The following CILK1 variants were observed in gnomAD, a reference collection of about 807,000 sequenced individuals.
CILK1 encodes ciliogenesis associated kinase 1.
A neutral mutation model predicts 79.2 loss-of-function variants in CILK1; 47 were observed. The observed-to-expected ratio is 0.59, with a 90% confidence interval of 0.47 to 0.76. The LOEUF is 0.76. Ranked by LOEUF, CILK1 falls within the 30% of genes least tolerant of loss-of-function variation. The pLI is 0.00. For synonymous variants in CILK1, 266 were observed against 275.9 expected, an observed-to-expected ratio of 0.96 and a Z score of 0.36; for missense variants, 660 against 769.5, an observed-to-expected ratio of 0.86 and a Z score of 1.68.
At chr6:53,040,273 G>T (rs1370027283) in intron 2 of CILK1, among the ~76,000 whole-genome samples, 1 of 152,182 alleles carries the variant, frequency 6.6e-6, no homozygotes, top group Non-Finnish European at 1.5e-5. Context: ...ATTTGACAAG[G>T]ATGTCACTTC....
intron 2 of CILK1, 128 bp from the exon 3 acceptor site, chr6:53,038,121 T>C: frequency 1.4e-6 from 1 of 690,812 alleles, no homozygotes. Context: ...TTCTACCCAG[T>C]ATTATACTAT....
At position 53,002,088 on chromosome 6, in the gene CILK1, TA is replaced by T. The variant is rs970430730; in HGVS notation, c.*3060del. ...TAGTCCTTTAGGCAAGAGATACATT[TA>T]AAAAATTATTTGAAAATCAAGTTTC... On this transcript the variant is annotated 3_prime_UTR_variant, in exon 14 of 14. Transcript: ENST00000676107. 4.6e-5 allele frequency: 7 copies of T among 152,428 alleles called. No homozygotes were observed. The highest frequency in any genetic ancestry group is 1.7e-4 in the African/African-American group (7 of 41,474). The allele number at this position is 152,428 out of a possible 1,614,324, so 9.4% of individuals were successfully genotyped here.
chr6:53,031,283 G>C (rs2127438112), intron 4 of CILK1, 139 bp from the exon 5 acceptor site: 2 of 632,060 alleles, frequency 3.2e-6, no homozygotes, highest in East Asian at 2.8e-5. Flanking sequence ...AAAACAAAAA[G>C]ATTAAACATT....
chr6:53,048,666 A>G (rs979024908), intron 1 of CILK1, among the ~76,000 whole-genome samples: 2 of 18,248 alleles, frequency 1.1e-4, no homozygotes, highest in Non-Finnish European at 1.7e-4. Context: ...GCACTAGAAA[A>G]AAGAAGGGAC....
At chr6:53,030,961 C>A in intron 5 of CILK1, 104 bp downstream of exon 5, 2 of 798,212 alleles carry the variant, frequency 2.5e-6, no homozygotes, top group East Asian at 2.6e-5. Context: ...ACTCTTCAAC[C>A]TTTTCTGGGA....
At chr6:53,046,725 T>C (rs933667321) in intron 1 of CILK1, among the ~76,000 whole-genome samples, 4 of 152,204 alleles carry the variant, frequency 2.6e-5, no homozygotes, top group Admixed American at 1.3e-4. Context: ...ATGCTAAGCA[T>C]TATGCAAGGC....
chr6:53,048,905 G>A (rs1418406906), intron 1 of CILK1, among the ~76,000 whole-genome samples: 1 of 152,228 alleles, frequency 6.6e-6, no homozygotes, highest in Non-Finnish European at 1.5e-5. Context: ...GTGAGCTGGT[G>A]AGGAAGAAGA....
At chr6:53,042,436 G>C (rs1766781545) in intron 1 of CILK1, among the ~76,000 whole-genome samples, 1 of 152,182 alleles carries the variant, frequency 6.6e-6, no homozygotes, top group Non-Finnish European at 1.5e-5. Flanking sequence ...CAAAAGCTAA[G>C]AAATGCTAAA....
chr6:53,044,871 C>T (rs1212514278), intron 1 of CILK1, among the ~76,000 whole-genome samples: 2 of 152,082 alleles, frequency 1.3e-5, no homozygotes, highest in African/African-American at 4.8e-5. Flanking sequence ...AGAAACCAAA[C>T]CATTTGATCT....
intron 1 of CILK1, among the ~76,000 whole-genome samples, chr6:53,048,044 C>T (rs1198646721): frequency 6.6e-6 from 1 of 152,080 alleles, no homozygotes; most frequent in Non-Finnish European, 1.5e-5. Context: ...AAGGCTGATA[C>T]ACTGTGTAAC....
At chr6:53,056,949 G>GA (rs1348784374) in intron 1 of CILK1, among the ~76,000 whole-genome samples, 1 of 152,100 alleles carries the variant, frequency 6.6e-6, no homozygotes, top group Non-Finnish European at 1.5e-5. Flanking sequence ...ACTAATTTAG[G>GA]AAAAAACTTG....
chr6:53,026,308 C>A (rs1317385597), intron 5 of CILK1, among the ~76,000 whole-genome samples: 6 of 151,988 alleles, frequency 3.9e-5, no homozygotes, highest in Non-Finnish European at 1.5e-5. Context: ...GGGATTATGA[C>A]CAGCTAATTT....
intron 3 of CILK1, among the ~76,000 whole-genome samples, chr6:53,035,577 G>A (rs1262462955): frequency 6.6e-6 from 1 of 152,086 alleles, no homozygotes; most frequent in Non-Finnish European, 1.5e-5. Flanking sequence ...TGCCATGGCC[G>A]TGAGGTGCAG....
intron 5 of CILK1, among the ~76,000 whole-genome samples, chr6:53,021,297 C>G (rs919427525): frequency 6.6e-6 from 1 of 151,468 alleles, no homozygotes. Context: ...TGCACTCCAG[C>G]CCAGGCAACA....
intron 12 of CILK1, among the ~76,000 whole-genome samples, chr6:53,008,644 T>C (rs1764382620): frequency 6.6e-6 from 1 of 152,120 alleles, no homozygotes; most frequent in South Asian, 2.1e-4. Flanking sequence ...CAGGCTGGTC[T>C]CAAACTCCTG....
chr6:53,035,876 T>C (rs984793345), intron 3 of CILK1, among the ~76,000 whole-genome samples: 5 of 152,092 alleles, frequency 3.3e-5, no homozygotes, highest in African/African-American at 1.2e-4. Flanking sequence ...CCTTTCTACC[T>C]GCTTCTGCCT....
Position 53,032,765 on chromosome 6 carries a change from C to T in CILK1, c.157-111G>A. On this transcript the variant is annotated intron_variant, in intron 3 of 13. Coordinates refer to ENST00000676107, the MANE Select transcript of CILK1 (RefSeq NM_014920.5). The stretch of plus-strand genomic sequence containing the variant: ...GGAAAGAAACAACTAATTTTAGAAC[C>T]TCAGAAATGTGCTAAATTATATTTT... 3 of 790,010 alleles carry T rather than the reference C, an allele frequency of 3.8e-6. No individual in the cohort carries two copies. In the South Asian group the frequency reaches 5.1e-5, roughly 13 times the overall value. 48.9% of individuals were successfully genotyped at this position (790,010 alleles called of 1,614,324 possible).
chr6:53,061,801 C>G lies in CILK1; in HGVS notation c.-378G>C, dbSNP rs1368829676. The G allele has an allele frequency of 6.6e-6, 1 of 151,250 alleles. No individual in the cohort carries two copies. Among genetic ancestry groups the G allele is most frequent in the African/African-American group, 2.4e-5 (1 of 41,246 alleles). The allele number at this position is 151,250 out of a possible 1,614,324, so 9.4% of individuals were successfully genotyped here. ...AGTGCAGCAGGAACCCGGCCGTTTT[C>G]CAGCCTCCGGCAGGAAAACAAACAA... On this transcript the variant is annotated 5_prime_UTR_variant, in exon 1 of 14. Coordinates refer to ENST00000676107, the MANE Select transcript of CILK1 (RefSeq NM_014920.5).
At chr6:53,013,608 G>C (rs920729247) in intron 9 of CILK1, 54 bp downstream of exon 9, 2 of 1,504,158 alleles carry the variant, frequency 1.3e-6, no homozygotes, top group African/African-American at 2.7e-5. Flanking sequence ...CAATAATGGG[G>C]TCAGAAGAGG....
Sources: gnomAD v4.1 joint callset for allele counts (sites outside exome capture counted in the v4.1 genomes callset) on GRCh38, gnomAD v4.1.1 for gene constraint, MANE v1.5 for transcripts, NCBI Gene and HGNC (gene_info 2026-07-23, HGNC 2026-07-21) for gene names.